Variants in SBNO1 observed in about 807,000 individuals in gnomAD.
The protein encoded by SBNO1 is strawberry notch homolog 1, also known as protein strawberry notch homolog 1.
Under a neutral mutation model 173.6 loss-of-function variants are expected in SBNO1, and 23 were observed. That is an observed-to-expected ratio of 0.13 (90% CI 0.10 to 0.19). The LOEUF (loss-of-function observed/expected upper bound fraction) is 0.19. Among genes scored for constraint, SBNO1 ranks in the 10% least tolerant of loss-of-function variants. The pLI is 1.00. For synonymous variants in SBNO1, 632 were observed against 571.5 expected (o/e 1.11, Z -1.51); for missense variants, 1,238 against 1,671.2 (o/e 0.74, Z 4.52).
At chr12:123,307,846 C>T (rs1052008334) in intron 28 of SBNO1, among the ~76,000 whole-genome samples, 2 of 152,068 alleles carry the variant, frequency 1.3e-5, no homozygotes, top group Non-Finnish European at 2.9e-5. Context: ...CCAAGGCAGG[C>T]GGATCACCTG....
intron 29 of SBNO1, among the ~76,000 whole-genome samples, chr12:123,303,754 G>C (rs527435801): frequency 6.6e-6 from 1 of 151,818 alleles, no homozygotes; most frequent in Non-Finnish European, 1.5e-5. Context: ...CTAGCACTTT[G>C]GGAGGCAGAA....
chr12:123,353,835 T>C (rs1874143389), intron 1 of SBNO1, among the ~76,000 whole-genome samples: 1 of 152,206 alleles, frequency 6.6e-6, no homozygotes, highest in African/African-American at 2.4e-5. Context: ...AAATGTCATC[T>C]CTTTAAAATA....
chr12:123,358,871 C>A (rs1355197195), intron 1 of SBNO1, among the ~76,000 whole-genome samples: 1 of 152,022 alleles, frequency 6.6e-6, no homozygotes, highest in Non-Finnish European at 1.5e-5. Flanking sequence ...CAACCCTGTT[C>A]CAGTACTTTT....
At chr12:123,329,122 G>A (rs1870899359) in intron 9 of SBNO1, among the ~76,000 whole-genome samples, 1 of 152,156 alleles carries the variant, frequency 6.6e-6, no homozygotes. Context: ...GCTCACACCT[G>A]TAATCCCAAC....
intron 28 of SBNO1, among the ~76,000 whole-genome samples, chr12:123,308,088 A>C (rs963700423): frequency 6.6e-6 from 1 of 152,120 alleles, no homozygotes; most frequent in East Asian, 1.9e-4. Flanking sequence ...AAACAAAACG[A>C]AACAACACAA....
chr12:123,342,226 G>T (rs1317505186), intron 4 of SBNO1, among the ~76,000 whole-genome samples: 1 of 151,666 alleles, frequency 6.6e-6, no homozygotes, highest in Non-Finnish European at 1.5e-5. Flanking sequence ...CTCCAGCCTG[G>T]GCAACAAGAG....
rs902942228 is a variant in SBNO1 at position 123,298,030 on chromosome 12, G to A, written c.3987C>T (p.Asn1329=). Residue 1329 remains asparagine (N), a synonymous_variant, in exon 31 of 32, where the codon AAC becomes AAT. Transcript: ENST00000602398. ...TTAGCCGCACGATCTGCATCTTCAC[G>A]TTTGTGCCACTGACAGATGCTAGAA... ...EGVLASVSGT[N]VKMQIVRLRT... The A allele has an allele frequency of 2.3e-5, 37 of 1,613,940 alleles. No individual in the cohort carries two copies. The highest frequency in any genetic ancestry group is 3.0e-5 in the Non-Finnish European group (35 of 1,179,986).
intron 4 of SBNO1, 123 bp downstream of exon 4, chr12:123,345,135 A>G: frequency 1.2e-6 from 1 of 802,350 alleles, no homozygotes; most frequent in Non-Finnish European, 2.0e-6. Flanking sequence ...GTAAGTACGC[A>G]AAATAATGCA....
rs61618485 is a variant in SBNO1, at chr12:123,324,324, CTTTTTTTTT to C, written c.1974-502_1974-494del. On this transcript the variant is annotated intron_variant, in intron 15 of 31. Transcript: ENST00000602398. Reference sequence around the variant, plus strand: ...TAGCAGGTGTATGTCTTGCTTTTTTCTTTTTTTTTTTTTTTTTGAGACCGAGTCTCTCTG... The same window carrying C: ...TAGCAGGTGTATGTCTTGCTTTTTTCTTTTTTTTGAGACCGAGTCTCTCTG... Among the ~76,000 whole-genome samples the C allele has an allele frequency of 5.7e-4, 67 of 117,582 alleles. 1 individual carries two copies. Among genetic ancestry groups the C allele is most frequent in the South Asian group, 1.6e-3 (6 of 3,866 alleles). 77.1% of individuals were successfully genotyped at this position (117,582 alleles called of 152,430 possible).
chr12:123,304,514 G>T, intron 29 of SBNO1, 68 bp downstream of exon 29: 1 of 1,209,248 alleles, frequency 8.3e-7, no homozygotes. Context: ...GAGATTACAG[G>T]TGTGAGCCAC....
intron 1 of SBNO1, among the ~76,000 whole-genome samples, chr12:123,359,594 A>C (rs1040398933): frequency 6.6e-6 from 1 of 151,942 alleles, no homozygotes; most frequent in African/African-American, 2.4e-5. Context: ...GTATGGGTAT[A>C]TGTATACTAG....
intron 10 of SBNO1, 87 bp from the exon 11 acceptor site, chr12:123,328,114 G>C (rs1389555382): frequency 1.8e-6 from 2 of 1,085,130 alleles, no homozygotes; most frequent in African/African-American, 3.1e-5. Flanking sequence ...TTATTTCCCT[G>C]AGGCCTTCTG....
rs868633569 is a variant in SBNO1, at chr12:123,362,816, T to C, written c.-1+1885A>G. Among the ~76,000 whole-genome samples, 6 of 144,366 alleles carry C rather than the reference T, an allele frequency of 4.2e-5. No individual in the cohort carries two copies. In the South Asian group the frequency reaches 6.6e-4, roughly 16 times the overall value. 94.7% of individuals were successfully genotyped at this position (144,366 alleles called of 152,430 possible). A position where few individuals can be genotyped will look rare whatever the true frequency, so the allele number is the denominator to read the frequency against. ...AAGATTCTGAAGGGGCCAGGCACAATGGCTCATGCCTGTAATCCCACCACT... is the reference window on the plus strand; with the variant it reads ...AAGATTCTGAAGGGGCCAGGCACAACGGCTCATGCCTGTAATCCCACCACT... On this transcript the variant is annotated intron_variant, in intron 1 of 31. Transcript: ENST00000602398.
chr12:123,359,733 A>T (rs1874908130), intron 1 of SBNO1, among the ~76,000 whole-genome samples: 1 of 152,146 alleles, frequency 6.6e-6, no homozygotes, highest in African/African-American at 2.4e-5. Flanking sequence ...TCTTATTCAT[A>T]AAAGAGAATT....
intron 1 of SBNO1, among the ~76,000 whole-genome samples, chr12:123,359,610 A>G (rs545421893): frequency 6.6e-6 from 1 of 152,206 alleles, no homozygotes; most frequent in South Asian, 2.1e-4. Flanking sequence ...ACTAGGTCAC[A>G]ATGTAAACCG....
Position 123,309,338 on chromosome 12 carries a change from G to C in SBNO1, c.3602C>G (p.Pro1201Arg). The C allele has an allele frequency of 6.2e-7, 1 of 1,613,950 alleles. No individual in the cohort carries two copies. The highest frequency in any genetic ancestry group is 8.5e-7 in the Non-Finnish European group (1 of 1,179,852). Residue 1201 changes from proline (P) to arginine (R), a missense_variant, in exon 28 of 32, where the codon CCA becomes CGA. Around this residue, in one of 14 missense-constraint regions of SBNO1, gnomAD observed 351 missense variants for 420.3 expected, o/e 0.84. Transcript: ENST00000602398. ...CAATGACAAGTAAAAGCCATCGTCT[G>C]GTCCTGTCAGCTCAGCCCAAATCTT... is the stretch of plus-strand genomic sequence containing the variant. ...ATKIWAELTG[P>R]DDGFYLSLQI...
rs1347961417 is a variant in SBNO1, at chr12:123,327,823, C to T, written c.1433-11G>A. On this transcript the variant is annotated splice_polypyrimidine_tract_variant and intron_variant, in intron 11 of 31. Coordinates refer to ENST00000602398, the MANE Select transcript of SBNO1 (RefSeq NM_001167856.3). ...GTGGTTCAGAAGCACCTGAAAATCCCACAAATGAAATATATTATAGTTGAA... is the reference window on the plus strand; with the variant it reads ...GTGGTTCAGAAGCACCTGAAAATCCTACAAATGAAATATATTATAGTTGAA... 6.2e-7 allele frequency: 1 copy of T among 1,610,692 alleles called. No homozygotes were observed. Among genetic ancestry groups the T allele is most frequent in the East Asian group, 2.2e-5 (1 of 44,838 alleles).
chr12:123,356,517 C>G (rs1421223721), intron 1 of SBNO1, among the ~76,000 whole-genome samples: 1 of 152,220 alleles, frequency 6.6e-6, no homozygotes, highest in African/African-American at 2.4e-5. Context: ...CTCACTGCAA[C>G]CTTGAATCCG....
chr12:123,355,001 G>A (rs1023593661), intron 1 of SBNO1, among the ~76,000 whole-genome samples: 1 of 152,130 alleles, frequency 6.6e-6, no homozygotes, highest in African/African-American at 2.4e-5. Context: ...ACCAGCCTGG[G>A]CAACAAAGGG....
Sources: allele counts gnomAD v4.1 joint callset (sites outside exome capture counted in the v4.1 genomes callset), GRCh38; gene constraint gnomAD v4.1.1; regional missense constraint gnomAD v4.1.1; transcripts MANE v1.5; gene names NCBI Gene and HGNC (gene_info 2026-07-23, HGNC 2026-07-21).